WWC2: variants seen among roughly 807,000 people sequenced by gnomAD.
WWC2 encodes the protein WW and C2 domain containing 2, also known as protein WWC2.
A neutral mutation model predicts 138.5 loss-of-function variants in WWC2; 101 were observed. That is an observed-to-expected ratio of 0.73 (90% CI 0.62 to 0.86). The LOEUF is 0.86. WWC2 is among the 40% of genes least tolerant of loss of function. The pLI, the probability that WWC2 is intolerant of heterozygous loss-of-function variation, is 0.00. For missense variants in WWC2, 1,420 were observed against 1,419.4 expected (o/e 1.00, Z -0.01); for synonymous variants, 558 against 538.4 (o/e 1.04, Z -0.50).
chr4:183,178,455 G>T (rs6837674), intron 1 of WWC2, among the ~76,000 whole-genome samples: 149,994 of 150,794 alleles, frequency 0.99, 74,602 homozygotes, highest in Middle Eastern at 1. Context: ...GGCACATACC[G>T]GTAAGTCCTA....
chr4:183,104,846 C>T (rs1743298978), intron 1 of WWC2, among the ~76,000 whole-genome samples: 1 of 152,146 alleles, frequency 6.6e-6, no homozygotes, highest in Non-Finnish European at 1.5e-5. Flanking sequence ...TAGTCCATAG[C>T]TTGCAGTGTA....
rs184330856 is a variant in WWC2 at position 183,181,038 on chromosome 4, C to G, written c.132-12561C>G. Among the ~76,000 whole-genome samples, 668 of 152,186 alleles carry G rather than the reference C, an allele frequency of 4.4e-3. 4 individuals are homozygous for G. Among genetic ancestry groups the G allele is most frequent in the African/African-American group, 0.016 (650 of 41,522 alleles). On this transcript the variant is annotated intron_variant, in intron 1 of 22. Transcript: ENST00000403733. ...CACACATTACAAATTGTGCATGATG[C>G]CATTTGTAGTTGAGAGAAATGTAAA...
intron 2 of WWC2, among the ~76,000 whole-genome samples, chr4:183,207,457 A>G (rs1038910675): frequency 6.6e-6 from 1 of 152,242 alleles, no homozygotes; most frequent in East Asian, 1.9e-4. Flanking sequence ...TAAAATCGCT[A>G]TAATGATTAC....
intron 4 of WWC2, among the ~76,000 whole-genome samples, chr4:183,221,796 G>C (rs1735942644): frequency 6.6e-6 from 1 of 152,138 alleles, no homozygotes; most frequent in Admixed American, 6.5e-5. Context: ...CTCATACATT[G>C]CTATGGGAAT....
At chr4:183,293,605 A>C (rs1738533412) in intron 21 of WWC2, among the ~76,000 whole-genome samples, 1 of 152,264 alleles carries the variant, frequency 6.6e-6, no homozygotes, top group Non-Finnish European at 1.5e-5. Context: ...AGGAGTTCCT[A>C]AACAGTGCCA....
rs755195470 is a variant in WWC2 at position 183,286,017 on chromosome 4, T to C, written c.3099T>C (p.Phe1033=). 68 of 1,595,112 alleles carry C rather than the reference T, an allele frequency of 4.3e-5. No individual in the cohort carries two copies. The East Asian group carries it at 1.5e-3, about 36-fold the overall frequency. ...DSSTLAKKSL[F]VRNSTERRSL... ...CAACCCTGGCTAAAAAATCACTGTT[T>C]GTGAGAAACTCCACCGAACGCCGCA... is the stretch of plus-strand genomic sequence containing the variant. The change falls in exon 20 of 23, where the codon TTT becomes TTC. Residue 1033 remains phenylalanine (F), a synonymous_variant. Coordinates refer to ENST00000403733, the MANE Select transcript of WWC2 (RefSeq NM_024949.6).
intron 14 of WWC2, among the ~76,000 whole-genome samples, chr4:183,266,695 C>T (rs1319453815): frequency 2.6e-5 from 4 of 152,204 alleles, no homozygotes; most frequent in African/African-American, 9.7e-5. Flanking sequence ...TATGCATGTC[C>T]ACTCTGCATT....
At chr4:183,283,594 A>G (rs1322039855) in intron 18 of WWC2, among the ~76,000 whole-genome samples, 3 of 152,370 alleles carry the variant, frequency 2.0e-5, no homozygotes, top group Admixed American at 1.3e-4. Context: ...AATTATACCT[A>G]TAAGATAAAA....
intron 1 of WWC2, among the ~76,000 whole-genome samples, chr4:183,102,113 A>G (rs1046155868): frequency 3.3e-5 from 5 of 152,196 alleles, no homozygotes; most frequent in African/African-American, 1.2e-4. Context: ...ACGTCATTCA[A>G]ACTTTGCTGG....
Position 183,113,980 on chromosome 4 carries a change from G to A in WWC2, c.131+14358G>A, listed in dbSNP as rs1732333066. 2.0e-5 allele frequency among the ~76,000 whole-genome samples: 3 copies of A among 152,120 alleles called. No individual in the cohort carries two copies. In the South Asian group the frequency reaches 6.2e-4, roughly 32 times the overall value. On this transcript the variant is annotated intron_variant, in intron 1 of 22. Coordinates refer to ENST00000403733, the MANE Select transcript of WWC2 (RefSeq NM_024949.6). Reference sequence around the variant, plus strand: ...AAAGAGTTACCATTAGGGAAAGACCGAGGGAGAATGTGGTTGGTTGGTATC... The same window carrying A: ...AAAGAGTTACCATTAGGGAAAGACCAAGGGAGAATGTGGTTGGTTGGTATC...
At chr4:183,297,315 G>C (rs941043317) in intron 21 of WWC2, among the ~76,000 whole-genome samples, 1 of 151,872 alleles carries the variant, frequency 6.6e-6, no homozygotes, top group Non-Finnish European at 1.5e-5. Context: ...CCAGCACTTA[G>C]TTGGTTTTAA....
At chr4:183,290,474 G>A (rs952426372) in intron 21 of WWC2, among the ~76,000 whole-genome samples, 3 of 150,562 alleles carry the variant, frequency 2.0e-5, no homozygotes, top group Non-Finnish European at 2.9e-5. Context: ...CTGAGATCGT[G>A]CCACTGCACT....
intron 22 of WWC2, among the ~76,000 whole-genome samples, chr4:183,313,447 G>T (rs905010530): frequency 6.6e-6 from 1 of 152,104 alleles, no homozygotes; most frequent in African/African-American, 2.4e-5. Context: ...CTGCCCTGTG[G>T]TGCCAGCGCT....
At chr4:183,265,146 C>T (rs1737459525) in intron 12 of WWC2, 39 bp downstream of exon 12, 2 of 1,577,630 alleles carry the variant, frequency 1.3e-6, no homozygotes, top group African/African-American at 1.4e-5. Context: ...TCCAGCGAAT[C>T]TCCATCGCCG....
rs1737261374 is a variant in WWC2 at position 183,259,659 on chromosome 4, G to T, written c.1217G>T (p.Arg406Ile). ...CCTAGATTGAGATTGGAAGAGAGAA[G>T]AAAAGAGCTGCTACAGAAACTTGAA... ...LAERLRLEERRKELLQKLEET... is the reference protein window; with the variant it reads ...LAERLRLEERIKELLQKLEET... The change falls in exon 10 of 23, where the codon AGA (arginine) becomes ATA (isoleucine). Residue 406 changes from arginine (R) to isoleucine (I), a missense_variant. Transcript: ENST00000403733. 3 of 1,544,404 alleles carry T rather than the reference G, an allele frequency of 1.9e-6. No homozygotes were observed. Among genetic ancestry groups the T allele is most frequent in the Non-Finnish European group, 2.6e-6 (3 of 1,144,956 alleles).
intron 4 of WWC2, among the ~76,000 whole-genome samples, chr4:183,229,088 G>A (rs1736163133): frequency 6.6e-6 from 1 of 152,084 alleles, no homozygotes; most frequent in African/African-American, 2.4e-5. Context: ...GGGCACAAGA[G>A]TGGCTTCTAG....
At chr4:183,305,481 A>G (rs1738996029) in intron 21 of WWC2, among the ~76,000 whole-genome samples, 1 of 152,020 alleles carries the variant, frequency 6.6e-6, no homozygotes, top group Non-Finnish European at 1.5e-5. Context: ...ACTGCAGAAA[A>G]TTAAAAATTA....
chr4:183,279,542 G>A (rs750186624), intron 16 of WWC2, among the ~76,000 whole-genome samples: 12 of 152,180 alleles, frequency 7.9e-5, no homozygotes, highest in Non-Finnish European at 1.5e-4. Context: ...AATAGTTTCA[G>A]AAAGATTGGT....
intron 11 of WWC2, among the ~76,000 whole-genome samples, chr4:183,262,821 C>A (rs1048642551): frequency 2.0e-5 from 3 of 152,036 alleles, no homozygotes; most frequent in African/African-American, 7.2e-5. Flanking sequence ...GGGGTGCATA[C>A]CACTCCTGGA....
Sources: allele counts gnomAD v4.1 joint callset (sites outside exome capture counted in the v4.1 genomes callset), GRCh38; gene constraint gnomAD v4.1.1; transcripts MANE v1.5; gene names NCBI Gene and HGNC (gene_info 2026-07-23, HGNC 2026-07-21).